Variants in DUS1L observed in about 807,000 individuals in gnomAD.
DUS1L encodes the protein dihydrouridine synthase 1 like.
DUS1L carries 56 observed loss-of-function variants against 61.2 expected under a neutral mutation model. The ratio of observed to expected loss-of-function variants is 0.92; its 90% confidence interval spans 0.74 to 1.14. The LOEUF (loss-of-function observed/expected upper bound fraction) is 1.14. Ranked by LOEUF, DUS1L falls within the 50% of genes most tolerant of loss-of-function variation. The probability of loss-of-function intolerance (pLI) is 0.00; values close to 1 mark genes in which losing one functional copy is unlikely to be tolerated. For synonymous variants in DUS1L, 278 were observed against 259.5 expected (o/e 1.07, Z -0.69); for missense variants, 630 against 632.4 (o/e 1.00, Z 0.04).
chr17:82,063,326 G>C, intron 4 of DUS1L, 142 bp downstream of exon 4: 1 of 1,143,162 alleles, frequency 8.7e-7, no homozygotes, highest in South Asian at 1.4e-5. Context: ...CAGAGAGGCT[G>C]CTGTGGGCAG....
intron 10 of DUS1L, chr17:82,060,299 G>T (rs2033417045): frequency 3.0e-6 from 2 of 660,844 alleles, no homozygotes; most frequent in Non-Finnish European, 5.0e-6. Context: ...CGCAGCTCGG[G>T]CAGCCCCAAG....
intron 10 of DUS1L, 176 bp from the exon 11 acceptor site, chr17:82,060,269 G>A (rs952866695): frequency 3.4e-5 from 27 of 803,586 alleles, no homozygotes; most frequent in Non-Finnish European, 4.0e-5. Context: ...TAGGGAGTCC[G>A]GGGCCTCTGA....
chr17:82,061,593 G>A, intron 7 of DUS1L, 25 bp downstream of exon 7: 1 of 1,599,232 alleles, frequency 6.3e-7, no homozygotes, highest in Non-Finnish European at 8.5e-7. Context: ...ATGGGGCCCT[G>A]GCTGCTGTCC....
At chr17:82,063,224 G>A (rs1242651029) in intron 4 of DUS1L, 2 of 636,760 alleles carry the variant, frequency 3.1e-6, no homozygotes, top group African/African-American at 1.8e-5. Flanking sequence ...TCTGGGGCTG[G>A]GCCCGAGCAA....
chr17:82,061,402 G>C, intron 7 of DUS1L, 49 bp from the exon 8 acceptor site: 1 of 1,539,848 alleles, frequency 6.5e-7, no homozygotes, highest in Non-Finnish European at 8.8e-7. Context: ...GCTCCAGGTG[G>C]ACGGCACAGG....
chr17:82,060,683 G>A lies in DUS1L; in HGVS notation c.1022+18C>T, dbSNP rs1203270159. 1 of 1,611,224 alleles carries A rather than the reference G, an allele frequency of 6.2e-7. No homozygotes were observed. The highest frequency in any genetic ancestry group is 1.1e-5 in the South Asian group (1 of 90,750). On this transcript the variant is annotated intron_variant, in intron 10 of 13. Transcript: ENST00000306796. ...CACCTTGGTGCACATCCCCGCCCAG[G>A]GCTGGCTGGGCTCTCACCCCGGCCG...
rs751154802 is a variant in DUS1L at position 82,060,033 on chromosome 17, CTCT to C, written c.1080_1082del (p.Glu362del). The C allele has an allele frequency of 1.2e-6, 2 of 1,613,732 alleles. No homozygotes were observed. Among genetic ancestry groups the C allele is most frequent in the Non-Finnish European group, 1.7e-6 (2 of 1,179,994 alleles). On this transcript the variant is annotated inframe_deletion, in exon 11 of 14. Transcript: ENST00000306796. Reference sequence around the variant, plus strand: ...TGGACAGGACCTCCGTGCCACCCTCCTCTTCCTCCAGGGCCCGCTTGCTGCGCG... The same window carrying C: ...TGGACAGGACCTCCGTGCCACCCTCCTCCTCCAGGGCCCGCTTGCTGCGCG...
At position 82,061,585 on chromosome 17, in the gene DUS1L, GGGGCCCTGGCTGCTGTCCT is replaced by G. The variant is rs2033498396; in HGVS notation, c.697+14_697+32del. 2 of 1,591,684 alleles carry G rather than the reference GGGGCCCTGGCTGCTGTCCT, an allele frequency of 1.3e-6. No homozygotes were observed. The highest frequency in any genetic ancestry group is 1.1e-5 in the South Asian group (1 of 90,692). On this transcript the variant is annotated intron_variant, in intron 7 of 13. Coordinates refer to ENST00000306796, the MANE Select transcript of DUS1L (RefSeq NM_022156.5). ...GGCGGTGGTATCAGGCCGTGTGCAT[GGGGCCCTGGCTGCTGTCCT>G]GGGCCCTGCCCACCTGCGCTCATGA... is the stretch of plus-strand genomic sequence containing the variant.
chr17:82,065,105 C>A, intron 1 of DUS1L, 36 bp from the exon 2 acceptor site: 1 of 1,531,308 alleles, frequency 6.5e-7, no homozygotes, highest in Non-Finnish European at 8.8e-7. Context: ...TTCAGCCAGG[C>A]CCAACGAGGG....
At chr17:82,063,037 A>AGAGCCCAGGGCCCTGCAGACAGCG (rs2033587892) in intron 4 of DUS1L, 64 bp from the exon 5 acceptor site, 6 of 1,405,032 alleles carry the variant, frequency 4.3e-6, no homozygotes, top group Non-Finnish European at 5.9e-6. Flanking sequence ...GCCAAGCCCC[A>AGAGCCCAGGGCCCTGCAGACAGCG]GAGCCCAGGG....
In DUS1L at chr17:82,061,311, G is replaced by C; in HGVS notation, c.740C>G (p.Pro247Arg). 1 of 1,610,038 alleles carries C rather than the reference G, an allele frequency of 6.2e-7. No individual in the cohort carries two copies. Among genetic ancestry groups the C allele is most frequent in the Non-Finnish European group, 8.5e-7 (1 of 1,178,284 alleles). The change falls in exon 8 of 14, where the codon CCT becomes CGT. Residue 247 changes from proline to arginine, a missense_variant. By Grantham distance (103) the Pro-to-Arg change is moderately radical. Transcript: ENST00000306796. ...HNPALFEGRS[P>R]AVWELAEEYL... ...CTCCTCGGCCAGCTCCCACACGGCA[G>C]GGCTCCGGCCCTCGAACAGGGCGGG... is the stretch of plus-strand genomic sequence containing the variant.
At chr17:82,061,531 G>C (rs1310228575) in intron 7 of DUS1L, 87 bp downstream of exon 7, 2 of 1,450,392 alleles carry the variant, frequency 1.4e-6, no homozygotes, top group Non-Finnish European at 1.9e-6. Flanking sequence ...CCATGGGGAG[G>C]GCAGTAGGCA....
chr17:82,062,626 G>A (rs1324461013), intron 5 of DUS1L, among the ~76,000 whole-genome samples: 3 of 152,338 alleles, frequency 2.0e-5, no homozygotes, highest in Non-Finnish European at 4.4e-5. Flanking sequence ...CAGAGATGCC[G>A]ACATTACTCT....
At chr17:82,061,131 A>T in intron 8 of DUS1L, 78 bp downstream of exon 8, 2 of 1,556,142 alleles carry the variant, frequency 1.3e-6, no homozygotes, top group South Asian at 2.4e-5. Context: ...CAAAACCTGC[A>T]AAATGCCCCA....
In DUS1L at chr17:82,064,869, T is replaced by C. The variant is rs750979042; in HGVS notation, c.191A>G (p.Asn64Ser). 2 of 1,612,506 alleles carry C rather than the reference T, an allele frequency of 1.2e-6. No homozygotes were observed. The highest frequency in any genetic ancestry group is 1.7e-6 in the Non-Finnish European group (2 of 1,179,858). ...CTCGGGGCACACCTCGCAGTACAGGTTCTCCTTCCGGTAGTTGGCGTCGCG... is the reference window on the plus strand; with the variant it reads ...CTCGGGGCACACCTCGCAGTACAGGCTCTCCTTCCGGTAGTTGGCGTCGCG... ...FVRDANYRKE[N>S]LYCEVCPEDR... The change falls in exon 2 of 14, where the codon AAC (asparagine) becomes AGC (serine). Residue 64 changes from asparagine to serine, a missense_variant. By Grantham distance (46) the Asn-to-Ser change is conservative. Transcript: ENST00000306796.
Position 82,062,801 on chromosome 17 carries a change from A to T in DUS1L, c.510+60T>A, listed in dbSNP as rs1233277273. 2.1e-6 allele frequency: 3 copies of T among 1,413,188 alleles called. 1 individual carries two copies. In the South Asian group the frequency reaches 3.4e-5, roughly 16 times the overall value. The allele number at this position is 1,413,188 out of a possible 1,614,324, so 87.5% of individuals were successfully genotyped here. ...TCTGGACACAGGAAGAGCCTCAGCTATGTCCTCTGCGCAAAGGCCCAGCTG... is the reference window on the plus strand; with the variant it reads ...TCTGGACACAGGAAGAGCCTCAGCTTTGTCCTCTGCGCAAAGGCCCAGCTG... On this transcript the variant is annotated intron_variant, in intron 5 of 13. Transcript: ENST00000306796.
At chr17:82,059,849 G>T in intron 11 of DUS1L, 99 bp downstream of exon 11, 2 of 1,540,756 alleles carry the variant, frequency 1.3e-6, no homozygotes, top group South Asian at 2.4e-5. Flanking sequence ...TGGGCCTTGA[G>T]CCTTGCTGAC....
Position 82,064,114 on chromosome 17 carries a change from C to T in DUS1L, c.346+12G>A. On this transcript the variant is annotated intron_variant, in intron 3 of 13. Transcript: ENST00000306796. ...CTGCCCCAGGTGCCCCCATGCTCCA[C>T]ATGGAGCTCACCTCTCTTGGCTATC... is the stretch of plus-strand genomic sequence containing the variant. 1.2e-6 allele frequency: 2 copies of T among 1,609,314 alleles called. No homozygotes were observed. The highest frequency in any genetic ancestry group is 2.2e-5 in the East Asian group (1 of 44,880).
chr17:82,063,434 T>C, intron 4 of DUS1L, 34 bp downstream of exon 4: 1 of 1,613,628 alleles, frequency 6.2e-7, no homozygotes, highest in South Asian at 1.1e-5. Flanking sequence ...TGAGGGTCTC[T>C]GGGGGTCCTT....
Sources: gnomAD v4.1 joint callset for allele counts (sites outside exome capture counted in the v4.1 genomes callset) on GRCh38, gnomAD v4.1.1 for gene constraint, MANE v1.5 for transcripts, NCBI Gene and HGNC (gene_info 2026-07-23, HGNC 2026-07-21) for gene names.